The following DLG1 variants were observed in gnomAD, a reference collection of about 807,000 sequenced individuals.
DLG1 encodes disks large homolog 1.
A neutral mutation model predicts 123.4 loss-of-function variants in DLG1; 42 were observed. The ratio of observed to expected loss-of-function variants is 0.34; its 90% confidence interval spans 0.27 to 0.44. The LOEUF (loss-of-function observed/expected upper bound fraction) is 0.44, where lower values mean the gene tolerates loss of function less well. DLG1 is among the 20% of genes least tolerant of loss of function. DLG1 has a pLI of 1.00. For synonymous variants in DLG1, 317 were observed against 356.2 expected, an observed-to-expected ratio of 0.89 and a Z score of 1.24; for missense variants, 942 against 1,082.6, an observed-to-expected ratio of 0.87 and a Z score of 1.82.
intron 6 of DLG1, among the ~76,000 whole-genome samples, chr3:197,145,703 G>A (rs1187616337): frequency 6.6e-6 from 1 of 152,138 alleles, no homozygotes; most frequent in Non-Finnish European, 1.5e-5. Flanking sequence ...TAGGTGCTCA[G>A]TAAATATTCC....
intron 6 of DLG1, among the ~76,000 whole-genome samples, chr3:197,143,449 G>C (rs989863371): frequency 6.6e-6 from 1 of 152,024 alleles, no homozygotes; most frequent in African/African-American, 2.4e-5. Context: ...GTAGAGATGG[G>C]GTTTCACCGT....
At chr3:197,181,226 C>T (rs916968794) in intron 5 of DLG1, among the ~76,000 whole-genome samples, 1 of 152,084 alleles carries the variant, frequency 6.6e-6, no homozygotes, top group Non-Finnish European at 1.5e-5. Flanking sequence ...AGATAGTTTT[C>T]ATACTAATAG....
intron 4 of DLG1, among the ~76,000 whole-genome samples, chr3:197,217,143 G>A (rs1048638995): frequency 2.0e-5 from 3 of 152,160 alleles, no homozygotes; most frequent in Non-Finnish European, 4.4e-5. Context: ...GACCATCCCA[G>A]TATCCTAAGA....
In DLG1 at chr3:197,227,522, A is replaced by G. The variant is rs545909072; in HGVS notation, c.319-32933T>C. Among the ~76,000 whole-genome samples, 3 of 152,250 alleles carry G rather than the reference A, an allele frequency of 2.0e-5. No homozygotes were observed. The South Asian group carries it at 6.2e-4, about 32-fold the overall frequency. ...AAACAAAAACAAGAACAATTTTACA[A>G]AACTAAAATTATCAATTCATATATT... On this transcript the variant is annotated intron_variant, in intron 4 of 24. Transcript: ENST00000667157.
In DLG1 at chr3:197,274,845, T is replaced by TG. The variant is rs1293413940; in HGVS notation, c.318+7833dup. ...GACATACAAATGGTTAATTGGTATA[T>TG]GAAAAAATGTTCAACATTACTAATA... On this transcript the variant is annotated intron_variant, in intron 4 of 24. Coordinates refer to ENST00000667157, the MANE Select transcript of DLG1 (RefSeq NM_001366207.1). Among the ~76,000 whole-genome samples the TG allele has an allele frequency of 5.3e-5, 8 of 152,266 alleles. 1 individual carries two copies. The highest frequency in any genetic ancestry group is 1.9e-4 in the African/African-American group (8 of 41,556).
At chr3:197,118,572 G>A (rs1336405216) in intron 12 of DLG1, among the ~76,000 whole-genome samples, 1 of 152,020 alleles carries the variant, frequency 6.6e-6, no homozygotes, top group Non-Finnish European at 1.5e-5. Context: ...ATCAATAAAC[G>A]TTAAGAACAG....
intron 1 of DLG1, chr3:197,298,030 G>C (rs1326834682): frequency 9.9e-6 from 7 of 704,282 alleles, no homozygotes; most frequent in African/African-American, 1.9e-5. Context: ...CCCCCGGCCC[G>C]CTCGCCCAGT....
intron 24 of DLG1, 123 bp downstream of exon 24, chr3:197,051,452 GCT>G: frequency 1.4e-6 from 1 of 698,858 alleles, no homozygotes; most frequent in Non-Finnish European, 2.4e-6. Flanking sequence ...CACTGCCTAG[GCT>G]GGATGATACT....
At chr3:197,248,227 C>T (rs923436891) in intron 4 of DLG1, among the ~76,000 whole-genome samples, 1 of 152,180 alleles carries the variant, frequency 6.6e-6, no homozygotes, top group Non-Finnish European at 1.5e-5. Context: ...TTACTTTGAT[C>T]TCGACCACCA....
intron 4 of DLG1, among the ~76,000 whole-genome samples, chr3:197,202,436 G>C (rs756758798): frequency 1.4e-4 from 22 of 152,100 alleles, no homozygotes; most frequent in Non-Finnish European, 1.9e-4. Flanking sequence ...CAATAAGGAT[G>C]GCTCAATTTT....
chr3:197,129,109 C>T (rs919177561), intron 11 of DLG1, among the ~76,000 whole-genome samples: 1 of 152,230 alleles, frequency 6.6e-6, no homozygotes, highest in Non-Finnish European at 1.5e-5. Flanking sequence ...GCTTTGAAGT[C>T]AGGCACTGAC....
At chr3:197,084,911 C>T (rs1419649098) in intron 16 of DLG1, among the ~76,000 whole-genome samples, 1 of 151,542 alleles carries the variant, frequency 6.6e-6, no homozygotes, top group East Asian at 1.9e-4. Flanking sequence ...CTAAGCCTCC[C>T]GAGCAGCTGG....
chr3:197,292,379 T>G (rs932702541), intron 3 of DLG1, among the ~76,000 whole-genome samples: 1 of 152,186 alleles, frequency 6.6e-6, no homozygotes. Context: ...AGACAAATAC[T>G]TCTATGAGGT....
At chr3:197,063,986 T>G (rs1262308661) in intron 22 of DLG1, among the ~76,000 whole-genome samples, 2 of 150,296 alleles carry the variant, frequency 1.3e-5, no homozygotes, top group African/African-American at 2.5e-5. Flanking sequence ...TGGAGTGCAG[T>G]GGCATGGTTT....
chr3:197,068,351 A>C, intron 19 of DLG1: 1 of 597,424 alleles, frequency 1.7e-6, no homozygotes. Context: ...ATAATTAATA[A>C]AATGCTGAAA....
intron 4 of DLG1, among the ~76,000 whole-genome samples, chr3:197,272,832 G>A (rs1764486783): frequency 6.6e-6 from 1 of 152,194 alleles, no homozygotes; most frequent in East Asian, 1.9e-4. Context: ...CTGAGGAAGA[G>A]GGGATAGGTA....
chr3:197,153,440 T>C (rs1794912501), intron 5 of DLG1, among the ~76,000 whole-genome samples: 1 of 152,182 alleles, frequency 6.6e-6, no homozygotes, highest in Non-Finnish European at 1.5e-5. Flanking sequence ...ACTCTATCCC[T>C]CAGTCAACTG....
Position 197,138,254 on chromosome 3 carries a change from AT to A in DLG1, c.850del (p.Ile284Ter). The A allele has an allele frequency of 6.2e-7, 1 of 1,601,798 alleles. No individual in the cohort carries two copies. The highest frequency in any genetic ancestry group is 2.2e-5 in the East Asian group (1 of 44,614). On this transcript the variant is annotated frameshift_variant, in exon 9 of 25. Coordinates refer to ENST00000667157, the MANE Select transcript of DLG1 (RefSeq NM_001366207.1). LOFTEE classifies it high-confidence loss of function. ...ACCTTTAATGAGCTTTATTTCCATT[AT>A]TTTTTCTGACACTGGTTTCCTTCTT... ...VKRRKPVSEK[I>X]MEIKLIKGPK...
chr3:197,077,364 T>C (rs1031563161), intron 17 of DLG1, among the ~76,000 whole-genome samples: 1 of 152,104 alleles, frequency 6.6e-6, no homozygotes, highest in Non-Finnish European at 1.5e-5. Flanking sequence ...AAGAGACTTA[T>C]CAATGCCATC....
Sources: allele counts gnomAD v4.1 joint callset (sites outside exome capture counted in the v4.1 genomes callset), GRCh38; gene constraint gnomAD v4.1.1; transcripts MANE v1.5; gene names NCBI Gene and HGNC (gene_info 2026-07-23, HGNC 2026-07-21).